ZBTB8A: variants seen among roughly 807,000 people sequenced by gnomAD.
ZBTB8A encodes the protein zinc finger and BTB domain containing 8A.
In ZBTB8A, 19 loss-of-function variants were observed where a neutral mutation model predicts 37.8. That is an observed-to-expected ratio of 0.50 (90% CI 0.35 to 0.74). ZBTB8A has a LOEUF of 0.74. Among genes scored for constraint, ZBTB8A ranks in the 30% least tolerant of loss-of-function variants. The probability of loss-of-function intolerance (pLI) is 0.01; values close to 1 mark genes in which losing one functional copy is unlikely to be tolerated. For synonymous variants in ZBTB8A, 181 were observed against 185.2 expected, an observed-to-expected ratio of 0.98 and a Z score of 0.19; for missense variants, 394 against 537.8, an observed-to-expected ratio of 0.73 and a Z score of 2.65.
intron 4 of ZBTB8A, among the ~76,000 whole-genome samples, chr1:32,598,045 C>T (rs190284701): frequency 2.2e-3 from 328 of 151,256 alleles, no homozygotes; most frequent in Middle Eastern, 3.4e-3. Flanking sequence ...TGAGCTACTA[C>T]GCCCAGCCTA....
At chr1:32,558,075 C>G (rs963887591) in intron 2 of ZBTB8A, among the ~76,000 whole-genome samples, 2 of 152,054 alleles carry the variant, frequency 1.3e-5, no homozygotes, top group African/African-American at 4.8e-5. Context: ...ATATCACATA[C>G]ACATATATAA....
chr1:32,549,479 TA>T (rs1644133598), intron 1 of ZBTB8A, among the ~76,000 whole-genome samples: 2 of 138,272 alleles, frequency 1.4e-5, no homozygotes, highest in East Asian at 4.2e-4. Flanking sequence ...GGGCAACGAG[TA>T]AAACTCCGTC....
chr1:32,573,822 C>T (rs910946432), intron 2 of ZBTB8A, among the ~76,000 whole-genome samples: 3 of 148,008 alleles, frequency 2.0e-5, no homozygotes, highest in Non-Finnish European at 4.5e-5. Context: ...TGCCTGTAAT[C>T]CCAGCACTTT....
At chr1:32,542,312 T>C (rs565243427) in intron 1 of ZBTB8A, among the ~76,000 whole-genome samples, 2 of 84,844 alleles carry the variant, frequency 2.4e-5, no homozygotes, top group East Asian at 3.9e-4. Flanking sequence ...TCCAACACTT[T>C]GGGAGGCCAA....
chr1:32,555,902 A>T (rs914934861), intron 2 of ZBTB8A, among the ~76,000 whole-genome samples: 5 of 151,862 alleles, frequency 3.3e-5, no homozygotes, highest in Non-Finnish European at 7.4e-5. Flanking sequence ...TTAAAAAAAA[A>T]TTTAATTTTA....
Position 32,601,484 on chromosome 1 carries a change from A to C in ZBTB8A, c.*1065A>C. ...AGCGAAACTCCGTCTCAAAAAAAAA[A>C]GGAAAACAAACTAGGAGGTTCTTAC... On this transcript the variant is annotated 3_prime_UTR_variant, in exon 5 of 5. Coordinates refer to ENST00000373510, the MANE Select transcript of ZBTB8A (RefSeq NM_001040441.3). 2.5e-6 allele frequency: 1 copy of C among 394,204 alleles called. No homozygotes were observed. The highest frequency in any genetic ancestry group is 4.5e-6 in the Non-Finnish European group (1 of 223,708). 24.4% of individuals were successfully genotyped at this position (394,204 alleles called of 1,614,324 possible). A position where few individuals can be genotyped will look rare whatever the true frequency, so the allele number is the denominator to read the frequency against.
chr1:32,566,353 TAAAAAG>T (rs1489007889), intron 2 of ZBTB8A, among the ~76,000 whole-genome samples: 1 of 151,400 alleles, frequency 6.6e-6, no homozygotes, highest in Non-Finnish European at 1.5e-5. Context: ...ATATCTACAA[TAAAAAG>T]AAAAAGAAAG....
intron 2 of ZBTB8A, among the ~76,000 whole-genome samples, chr1:32,564,022 G>C (rs1320741300): frequency 6.6e-6 from 1 of 152,154 alleles, no homozygotes; most frequent in Non-Finnish European, 1.5e-5. Flanking sequence ...TTTTATCTCA[G>C]TTTTGCAACA....
intron 2 of ZBTB8A, among the ~76,000 whole-genome samples, chr1:32,575,657 T>A (rs1170325570): frequency 1.3e-5 from 2 of 150,924 alleles, no homozygotes; most frequent in African/African-American, 2.4e-5. Context: ...AAGACCAGCC[T>A]GAGCAACACA....
intron 1 of ZBTB8A, among the ~76,000 whole-genome samples, chr1:32,548,137 TAAAAAAAAAAAAA>T (rs770998213): frequency 1.5e-5 from 1 of 65,760 alleles, no homozygotes; most frequent in South Asian, 5.3e-4. Flanking sequence ...CGTCTCAAAT[TAAAAAAAAAAAAA>T]AAAAAAAAAA....
intron 2 of ZBTB8A, among the ~76,000 whole-genome samples, chr1:32,567,791 C>CAA (rs1214976482): frequency 0.013 from 84 of 6,408 alleles, 6 homozygotes; most frequent in Admixed American, 0.02. Context: ...GATTCTGTCT[C>CAA]AAAAAAAAAA....
intron 1 of ZBTB8A, among the ~76,000 whole-genome samples, chr1:32,548,137 T>TAAAA (rs770998213): frequency 4.6e-5 from 3 of 65,758 alleles, no homozygotes; most frequent in African/African-American, 5.9e-5. Flanking sequence ...CGTCTCAAAT[T>TAAAA]AAAAAAAAAA....
rs762985109 is a variant in ZBTB8A, at chr1:32,593,671, C to T, written c.740C>T (p.Ala247Val). ...SSHVSQSEEQ[A>V]QIDAEMDSTP... ...CATGTTTCCCAGTCTGAAGAACAAG[C>T]ACAGATTGATGCTGAAATGGACTCT... Residue 247 changes from alanine to valine, a missense_variant, in exon 3 of 5, where the codon GCA becomes GTA. This residue lies in a region of ZBTB8A where 171 missense variants were observed against 186.8 expected (regional missense o/e 0.92). Transcript: ENST00000373510. The T allele has an allele frequency of 1.2e-6, 2 of 1,614,162 alleles. No individual in the cohort carries two copies. Among genetic ancestry groups the T allele is most frequent in the South Asian group, 2.2e-5 (2 of 91,088 alleles).
At chr1:32,573,610 T>C (rs1232761694) in intron 2 of ZBTB8A, among the ~76,000 whole-genome samples, 1 of 150,654 alleles carries the variant, frequency 6.6e-6, no homozygotes, top group African/African-American at 2.4e-5. Flanking sequence ...TTTTTTGTAT[T>C]TTTTGTAGAG....
At chr1:32,551,332 G>A (rs575257467) in intron 1 of ZBTB8A, among the ~76,000 whole-genome samples, 20 of 152,178 alleles carry the variant, frequency 1.3e-4, no homozygotes, top group African/African-American at 4.6e-4. Context: ...TAAGGCTGGA[G>A]GATCACTTGA....
chr1:32,576,796 C>A (rs994731565), intron 2 of ZBTB8A, among the ~76,000 whole-genome samples: 1 of 151,950 alleles, frequency 6.6e-6, no homozygotes, highest in African/African-American at 2.4e-5. Context: ...ATCTCCTGAC[C>A]TCAAGTGATC....
Position 32,600,216 on chromosome 1 carries a change from G to A in ZBTB8A, c.1123G>A (p.Asp375Asn). ...CNECLAEFGI[D>N]SLPIDLEAEQ... is the part of the protein sequence containing the mutation. ...TGAGTGTCTTGCAGAATTTGGCATA[G>A]ACAGCCTCCCCATTGACTTGGAAGC... The change falls in exon 5 of 5, where the codon GAC (aspartate) becomes AAC (asparagine). Residue 375 changes from aspartate (D) to asparagine (N), a missense_variant. This residue lies in a region of ZBTB8A where 85 missense variants were observed against 89.0 expected (regional missense o/e 0.95). Transcript: ENST00000373510. The A allele has an allele frequency of 6.2e-7, 1 of 1,614,058 alleles. No individual in the cohort carries two copies. The highest frequency in any genetic ancestry group is 2.2e-5 in the East Asian group (1 of 44,896).
chr1:32,584,783 G>A lies in ZBTB8A; in HGVS notation c.-1-8148G>A, dbSNP rs560209585. 3.3e-5 allele frequency among the ~76,000 whole-genome samples: 5 copies of A among 150,002 alleles called. No homozygotes were observed. The South Asian group carries it at 8.5e-4, about 25-fold the overall frequency. On this transcript the variant is annotated intron_variant, in intron 2 of 4. Transcript: ENST00000373510. Reference sequence around the variant, plus strand: ...GATCCTCCCGCCTTGGCCTCCCAAAGTGCCGCGATTAGAGGTGTAAGCCAC... The same window carrying A: ...GATCCTCCCGCCTTGGCCTCCCAAAATGCCGCGATTAGAGGTGTAAGCCAC...
chr1:32,567,922 A>C (rs1339175331), intron 2 of ZBTB8A, among the ~76,000 whole-genome samples: 1 of 151,818 alleles, frequency 6.6e-6, no homozygotes, highest in Non-Finnish European at 1.5e-5. Flanking sequence ...CAGGCAGATC[A>C]TGAGGTCAGG....
Sources: allele counts gnomAD v4.1 joint callset (sites outside exome capture counted in the v4.1 genomes callset), GRCh38; gene constraint gnomAD v4.1.1; regional missense constraint gnomAD v4.1.1; transcripts MANE v1.5; gene names NCBI Gene and HGNC (gene_info 2026-07-23, HGNC 2026-07-21).